The following ERG variants were observed in gnomAD, a reference collection of about 807,000 sequenced individuals.
ERG encodes the protein transcriptional regulator ERG.
A neutral mutation model predicts 55.3 loss-of-function variants in ERG; 9 were observed. The ratio of observed to expected loss-of-function variants is 0.16; its 90% CI spans 0.10 to 0.28. The LOEUF is 0.28. Among genes scored for constraint, ERG ranks in the 10% least tolerant of loss-of-function variants. The pLI is 1.00. For missense variants in ERG, 434 were observed against 631.6 expected (o/e 0.69, Z 3.35); for synonymous variants, 223 against 237.3 (o/e 0.94, Z 0.55).
At position 38,381,096 on chromosome 21, in the gene ERG, G is replaced by C. The variant is rs529561296; in HGVS notation, c.*2307C>G. ...GGGCTCCGTCTAATCCAAATGACACGGGGTGTCAGGAGCATTGGTAATCGT... is the reference window on the plus strand; with the variant it reads ...GGGCTCCGTCTAATCCAAATGACACCGGGTGTCAGGAGCATTGGTAATCGT... On this transcript the variant is annotated 3_prime_UTR_variant, in exon 10 of 10. Transcript: ENST00000288319. The C allele has an allele frequency of 1.0e-5, 11 of 1,064,518 alleles. No homozygotes were observed. Among genetic ancestry groups the C allele is most frequent in the Non-Finnish European group, 1.3e-5 (11 of 878,854 alleles). The allele number at this position is 1,064,518 out of a possible 1,614,324, so 65.9% of individuals were successfully genotyped here. A position where few individuals can be genotyped will look rare whatever the true frequency, so the allele number is the denominator to read the frequency against.
At chr21:38,445,282 C>T (rs1038836552) in intron 2 of ERG, 122 bp downstream of exon 2, 1 of 738,542 alleles carries the variant, frequency 1.4e-6, no homozygotes, top group Non-Finnish European at 2.3e-6. Context: ...GCTGGGATTA[C>T]AGGCACAGTG....
intron 3 of ERG, among the ~76,000 whole-genome samples, chr21:38,407,397 A>G (rs1355432796): frequency 6.6e-6 from 1 of 152,114 alleles, no homozygotes; most frequent in Non-Finnish European, 1.5e-5. Context: ...TTATTATGAT[A>G]TCATTGTATT....
chr21:38,561,149 C>A (rs1020166397), intron 2 of ERG, among the ~76,000 whole-genome samples: 2 of 151,954 alleles, frequency 1.3e-5, no homozygotes. Flanking sequence ...AGTAACAGGT[C>A]TTTCTAAATC....
At chr21:38,379,139 C>T (rs959088567), downstream of ERG, among the ~76,000 whole-genome samples, 3 of 152,226 alleles carry the variant, frequency 2.0e-5, no homozygotes, top group Admixed American at 2.0e-4. Context: ...CAAGATCTAA[C>T]CCGTCACCTC....
At chr21:38,649,495 T>C (rs1359057296) in intron 1 of ERG, among the ~76,000 whole-genome samples, 1 of 152,224 alleles carries the variant, frequency 6.6e-6, no homozygotes, top group African/African-American at 2.4e-5. Context: ...CTCGTATTCA[T>C]TGTGTGTTTA....
chr21:38,555,097 C>A (rs535948888), intron 2 of ERG, among the ~76,000 whole-genome samples: 2 of 152,040 alleles, frequency 1.3e-5, no homozygotes, highest in African/African-American at 4.8e-5. Flanking sequence ...GATGCTGAGG[C>A]GGGCGGATTA....
intron 9 of ERG, among the ~76,000 whole-genome samples, chr21:38,384,403 A>G (rs1205839180): frequency 1.3e-5 from 2 of 152,200 alleles, no homozygotes; most frequent in Non-Finnish European, 2.9e-5. Context: ...GCTTACCCCA[A>G]GCTCTGCATC....
At chr21:38,392,865 C>T (rs557180284) in intron 6 of ERG, among the ~76,000 whole-genome samples, 7 of 152,288 alleles carry the variant, frequency 4.6e-5, no homozygotes, top group Admixed American at 1.3e-4. Flanking sequence ...AGGTCTGTTC[C>T]TAAATCAATC....
intron 1 of ERG, among the ~76,000 whole-genome samples, chr21:38,583,985 T>C (rs1422836459): frequency 6.6e-6 from 1 of 152,214 alleles, no homozygotes; most frequent in Non-Finnish European, 1.5e-5. Context: ...ATGGAGGGAC[T>C]TACGAAAGTC....
chr21:38,482,632 G>A (rs1298641349), intron 1 of ERG, among the ~76,000 whole-genome samples: 1 of 151,480 alleles, frequency 6.6e-6, no homozygotes, highest in African/African-American at 2.4e-5. Flanking sequence ...ATCAATGGAT[G>A]AATACATAAA....
Position 38,647,169 on chromosome 21 carries a change from T to C in ERG, c.-150+14489A>G, listed in dbSNP as rs992830235. Among the ~76,000 whole-genome samples the C allele has an allele frequency of 3.3e-5, 5 of 152,334 alleles. No homozygotes were observed. In the South Asian group the frequency reaches 1.0e-3, roughly 32 times the overall value. On this transcript the variant is annotated intron_variant, in intron 1 of 10. Coordinates refer to the ERG transcript ENST00000398910. ...GAGCTGTCATCCATCTTTTGTTTTCTCATTATCAGTTTTCAGGCCACGTTC... is the reference window on the plus strand; with the variant it reads ...GAGCTGTCATCCATCTTTTGTTTTCCCATTATCAGTTTTCAGGCCACGTTC...
intron 1 of ERG, among the ~76,000 whole-genome samples, chr21:38,576,470 T>C (rs988034719): frequency 3.3e-5 from 5 of 152,214 alleles, no homozygotes; most frequent in African/African-American, 1.2e-4. Flanking sequence ...TCAACCCACA[T>C]TTTGAAGGGA....
chr21:38,597,006 C>T (rs1476748483), intron 1 of ERG, among the ~76,000 whole-genome samples: 1 of 152,152 alleles, frequency 6.6e-6, no homozygotes, highest in Non-Finnish European at 1.5e-5. Flanking sequence ...CACCAACTTC[C>T]CAGGGCTTCC....
At chr21:38,489,977 T>G (rs1256280519) in intron 1 of ERG, among the ~76,000 whole-genome samples, 14 of 152,176 alleles carry the variant, frequency 9.2e-5, no homozygotes, top group South Asian at 8.3e-4. Flanking sequence ...GGAAGGAGAA[T>G]AAGAAGAATA....
chr21:38,627,095 C>T (rs1434114783), intron 1 of ERG, among the ~76,000 whole-genome samples: 3 of 149,918 alleles, frequency 2.0e-5, no homozygotes, highest in African/African-American at 4.9e-5. Context: ...TTTTAAATAC[C>T]GAGAATAAAA....
At chr21:38,485,353 A>C (rs1217767638) in intron 1 of ERG, among the ~76,000 whole-genome samples, 1 of 152,194 alleles carries the variant, frequency 6.6e-6, no homozygotes, top group Non-Finnish European at 1.5e-5. Flanking sequence ...AAGTGAGTAC[A>C]AAAGAGTCAA....
At chr21:38,591,654 T>C (rs2060100853) in intron 1 of ERG, among the ~76,000 whole-genome samples, 1 of 152,172 alleles carries the variant, frequency 6.6e-6, no homozygotes, top group African/African-American at 2.4e-5. Flanking sequence ...ATTGCACCAC[T>C]GCACTCCAGC....
At chr21:38,441,366 T>C (rs2058839764) in intron 2 of ERG, among the ~76,000 whole-genome samples, 1 of 152,152 alleles carries the variant, frequency 6.6e-6, no homozygotes, top group Non-Finnish European at 1.5e-5. Context: ...GTGGGCCTTG[T>C]CTAATCAGTT....
chr21:38,404,619 T>C (rs1027384273), intron 3 of ERG, among the ~76,000 whole-genome samples: 1 of 151,980 alleles, frequency 6.6e-6, no homozygotes, highest in Admixed American at 6.6e-5. Flanking sequence ...GGGCAGGGAG[T>C]TGGAGCCCTG....
Sources: allele counts gnomAD v4.1 joint callset (sites outside exome capture counted in the v4.1 genomes callset), GRCh38; gene constraint gnomAD v4.1.1; transcripts MANE v1.5; gene names NCBI Gene and HGNC (gene_info 2026-07-23, HGNC 2026-07-21).